Variants in CDYL observed in about 807,000 individuals in gnomAD.
The protein encoded by CDYL is chromodomain Y-like protein.
Under a neutral mutation model 47.3 loss-of-function variants are expected in CDYL, and 8 were observed. That is an observed-to-expected ratio of 0.17 (90% CI 0.10 to 0.31). The LOEUF is 0.31. Ranked by LOEUF, CDYL falls within the 10% of genes least tolerant of loss-of-function variation. CDYL has a pLI of 1.00. For synonymous variants in CDYL, 266 were observed against 265.0 expected (o/e 1.00, Z -0.04); for missense variants, 471 against 701.4 (o/e 0.67, Z 3.71).
chr6:4,937,788 T>G, intron 4 of CDYL, 51 bp downstream of exon 4: 1 of 1,471,412 alleles, frequency 6.8e-7, no homozygotes, highest in South Asian at 1.3e-5. Flanking sequence ...TTGTTTTTGG[T>G]AAACCAATCC....
intron 1 of CDYL, among the ~76,000 whole-genome samples, chr6:4,801,703 T>G (rs1759230379): frequency 1.3e-5 from 2 of 152,152 alleles, no homozygotes; most frequent in South Asian, 4.1e-4. Flanking sequence ...TTCTCTGTGG[T>G]TGTCTTTATT....
At chr6:4,709,857 AAT>A (rs1317523489) in intron 1 of CDYL, among the ~76,000 whole-genome samples, 1 of 152,230 alleles carries the variant, frequency 6.6e-6, no homozygotes, top group Non-Finnish European at 1.5e-5. Context: ...ATTTTAAAGA[AAT>A]GAATAGAATC....
rs1758801515 is a variant in CDYL at position 4,954,234 on chromosome 6, TTAAAA to T, written c.*183_*187del. 4 of 553,216 alleles carry T rather than the reference TTAAAA, an allele frequency of 7.2e-6. No individual in the cohort carries two copies. The highest frequency in any genetic ancestry group is 9.2e-6 in the Non-Finnish European group (3 of 327,628). The allele number at this position is 553,216 out of a possible 1,614,324, so 34.3% of individuals were successfully genotyped here. A position where few individuals can be genotyped will look rare whatever the true frequency, so the allele number is the denominator to read the frequency against. On this transcript the variant is annotated 3_prime_UTR_variant, in exon 7 of 7. Transcript: ENST00000397588. ...CGAGGAGTTTTAAAGTACTGTAACTTTAAAATAAATAACTACAAAGCTTCTTTGTC... is the reference window on the plus strand; with the variant it reads ...CGAGGAGTTTTAAAGTACTGTAACTTTAAATAACTACAAAGCTTCTTTGTC...
chr6:4,914,564 G>A (rs1299192428), intron 2 of CDYL, among the ~76,000 whole-genome samples: 1 of 152,176 alleles, frequency 6.6e-6, no homozygotes. Context: ...CAGGCTGTGT[G>A]GCTGCCTTGC....
chr6:4,870,565 T>C (rs1427432638), intron 1 of CDYL, among the ~76,000 whole-genome samples: 2 of 152,238 alleles, frequency 1.3e-5, no homozygotes, highest in Non-Finnish European at 2.9e-5. Context: ...TGGAATATTT[T>C]TAGCCATTAT....
chr6:4,852,425 C>CAA (rs1760864698), intron 1 of CDYL, among the ~76,000 whole-genome samples: 8 of 130,144 alleles, frequency 6.1e-5, no homozygotes, highest in African/African-American at 1.8e-4. Flanking sequence ...ATCTTCCTTC[C>CAA]TTCCTCCTTC....
chr6:4,842,990 C>T (rs984032489), intron 1 of CDYL, among the ~76,000 whole-genome samples: 4 of 152,200 alleles, frequency 2.6e-5, no homozygotes, highest in South Asian at 2.1e-4. Context: ...GTTATTGTAG[C>T]GCTGGCTTGG....
At chr6:4,752,236 A>G (rs1758005690) in intron 3 of CDYL, among the ~76,000 whole-genome samples, 1 of 151,984 alleles carries the variant, frequency 6.6e-6, no homozygotes, top group Admixed American at 6.6e-5. Flanking sequence ...TTGCAAGGGT[A>G]GAGATCTGTT....
intron 1 of CDYL, among the ~76,000 whole-genome samples, chr6:4,875,884 C>T (rs1761607563): frequency 6.6e-6 from 1 of 152,188 alleles, no homozygotes; most frequent in Admixed American, 6.5e-5. Context: ...TAAATGGAGA[C>T]ATACCCCTAA....
Position 4,948,769 on chromosome 6 carries a change from G to A in CDYL, c.1333-3497G>A, listed in dbSNP as rs557243679. On this transcript the variant is annotated intron_variant, in intron 5 of 6. Transcript: ENST00000397588. The stretch of plus-strand genomic sequence containing the variant: ...CCCTGCTCTAACTCAAGAGCGAAGA[G>A]CCTGCATTTCACTCGGCGTGAATTC... Among the ~76,000 whole-genome samples, 14 of 152,354 alleles carry A rather than the reference G, an allele frequency of 9.2e-5. No homozygotes were observed. The East Asian group carries it at 2.5e-3, about 27-fold the overall frequency.
chr6:4,793,152 T>TGG (rs1758975310), intron 1 of CDYL, among the ~76,000 whole-genome samples: 1 of 152,232 alleles, frequency 6.6e-6, no homozygotes, highest in Non-Finnish European at 1.5e-5. Context: ...CTCTTCCATC[T>TGG]ACACCCTGGA....
intron 1 of CDYL, among the ~76,000 whole-genome samples, chr6:4,800,682 T>A (rs1759198830): frequency 6.6e-6 from 1 of 152,232 alleles, no homozygotes; most frequent in African/African-American, 2.4e-5. Flanking sequence ...AGGAAACTTC[T>A]TCTGAATACT....
At chr6:4,903,906 C>G (rs1223917446) in intron 2 of CDYL, among the ~76,000 whole-genome samples, 1 of 152,228 alleles carries the variant, frequency 6.6e-6, no homozygotes, top group Non-Finnish European at 1.5e-5. Context: ...TCTGGAAGCT[C>G]CATGCCTCTT....
At chr6:4,772,915 C>T (rs1758358671), upstream of CDYL, 1 of 352,702 alleles carries the variant, frequency 2.8e-6, no homozygotes, top group African/African-American at 2.1e-5. Context: ...CCCCATCTCC[C>T]CTTGGATGCC....
At chr6:4,805,292 A>G (rs552352436) in intron 1 of CDYL, among the ~76,000 whole-genome samples, 6 of 152,078 alleles carry the variant, frequency 3.9e-5, no homozygotes, top group African/African-American at 9.6e-5. Flanking sequence ...CCATTGGGGG[A>G]AAAAAAAGCA....
intron 2 of CDYL, among the ~76,000 whole-genome samples, chr6:4,916,029 C>A (rs6930746): frequency 0.015 from 2,231 of 152,330 alleles, 63 homozygotes; most frequent in African/African-American, 0.05. Flanking sequence ...CCCGCCACCC[C>A]ATCCTGCCTT....
chr6:4,755,557 G>A (rs745525933), intron 3 of CDYL, among the ~76,000 whole-genome samples: 41 of 151,102 alleles, frequency 2.7e-4, no homozygotes, highest in Non-Finnish European at 5.6e-4. Flanking sequence ...TTACCCACTG[G>A]ATACTTCTAC....
intron 1 of CDYL, among the ~76,000 whole-genome samples, chr6:4,805,745 C>G (rs1759350732): frequency 6.6e-6 from 1 of 152,202 alleles, no homozygotes; most frequent in Admixed American, 6.5e-5. Context: ...TGCCCTTCCT[C>G]TGTCTACCTC....
chr6:4,874,878 TGTC>T (rs1411956671), intron 1 of CDYL, among the ~76,000 whole-genome samples: 4 of 152,146 alleles, frequency 2.6e-5, no homozygotes, highest in Non-Finnish European at 5.9e-5. Flanking sequence ...TCGTCTGTGT[TGTC>T]GTGGGATGGT....
Sources: allele counts gnomAD v4.1 joint callset (sites outside exome capture counted in the v4.1 genomes callset), GRCh38; gene constraint gnomAD v4.1.1; transcripts MANE v1.5; gene names NCBI Gene and HGNC (gene_info 2026-07-23, HGNC 2026-07-21).